FNIP2: variants seen among roughly 807,000 people sequenced by gnomAD.
The protein encoded by FNIP2 is folliculin-interacting protein 2.
In FNIP2, 32 loss-of-function variants were observed where a neutral mutation model predicts 108.7. The ratio of observed to expected loss-of-function variants is 0.29; its 90% confidence interval spans 0.22 to 0.40. FNIP2 has a LOEUF of 0.40. Ranked by LOEUF, FNIP2 falls within the 10% of genes least tolerant of loss-of-function variation. The pLI, the probability that FNIP2 is intolerant of heterozygous loss-of-function variation, is 1.00. For missense variants in FNIP2, 1,202 were observed against 1,381.6 expected, an observed-to-expected ratio of 0.87 and a Z score of 2.06; for synonymous variants, 480 against 496.7, an observed-to-expected ratio of 0.97 and a Z score of 0.45.
chr4:158,866,415 A>G (rs1301405050), intron 12 of FNIP2, among the ~76,000 whole-genome samples: 1 of 148,962 alleles, frequency 6.7e-6, no homozygotes, highest in Non-Finnish European at 1.5e-5. Context: ...ACGGGGTTTC[A>G]CCCTGTTGGC....
At chr4:158,821,488 C>A (rs1475725707) in intron 1 of FNIP2, among the ~76,000 whole-genome samples, 2 of 152,140 alleles carry the variant, frequency 1.3e-5, no homozygotes, top group Admixed American at 1.3e-4. Context: ...CTTGGAAGCT[C>A]CACAGTAACT....
At position 158,797,237 on chromosome 4, in the gene FNIP2, C is replaced by T. The variant is rs10023856; in HGVS notation, c.107+27918C>T. On this transcript the variant is annotated intron_variant, in intron 1 of 16. Transcript: ENST00000264433. ...GTATCACTATTTTTGCCTGTCAAAC[C>T]AAAACTGAAGGAGAACTGTCACTAA... Among the ~76,000 whole-genome samples, 367 of 152,216 alleles carry T rather than the reference C, an allele frequency of 2.4e-3. 1 individual carries two copies. The highest frequency in any genetic ancestry group is 8.6e-3 in the African/African-American group (359 of 41,526).
intron 12 of FNIP2, among the ~76,000 whole-genome samples, 200 bp downstream of exon 12, chr4:158,861,976 G>T (rs145113516): frequency 6.6e-6 from 1 of 152,226 alleles, no homozygotes; most frequent in East Asian, 1.9e-4. Flanking sequence ...GCAGCTTTGT[G>T]CTACACTCTT....
intron 14 of FNIP2, among the ~76,000 whole-genome samples, chr4:158,888,309 T>G (rs923784271): frequency 1.3e-5 from 2 of 152,238 alleles, no homozygotes; most frequent in African/African-American, 4.8e-5. Context: ...CTGCTGGTTC[T>G]TTTCTGTTCC....
chr4:158,848,025 A>C (rs1049706079), intron 7 of FNIP2, among the ~76,000 whole-genome samples: 1 of 152,186 alleles, frequency 6.6e-6, no homozygotes, highest in Non-Finnish European at 1.5e-5. Context: ...GACTCCAGGC[A>C]TTGGCTCACA....
At chr4:158,817,664 A>G (rs1777652715) in intron 1 of FNIP2, among the ~76,000 whole-genome samples, 1 of 152,144 alleles carries the variant, frequency 6.6e-6, no homozygotes, top group African/African-American at 2.4e-5. Context: ...CTTGTGTCTC[A>G]GCCTCCCCAG....
At chr4:158,787,744 C>T (rs1277265859) in intron 1 of FNIP2, among the ~76,000 whole-genome samples, 1 of 152,144 alleles carries the variant, frequency 6.6e-6, no homozygotes. Context: ...TAGACTTTTG[C>T]TTCTTTCTGG....
chr4:158,839,757 C>T (rs1042351104), intron 7 of FNIP2, among the ~76,000 whole-genome samples: 2 of 152,122 alleles, frequency 1.3e-5, no homozygotes, highest in Admixed American at 1.3e-4. Flanking sequence ...ATACCTCTAT[C>T]TGTGAGGGGT....
At chr4:158,894,163 AT>A (rs1782475510) in intron 15 of FNIP2, among the ~76,000 whole-genome samples, 1 of 141,998 alleles carries the variant, frequency 7.0e-6, no homozygotes, top group African/African-American at 2.5e-5. Context: ...CTTTTAAAAA[AT>A]GTTTTCTTTT....
Position 158,859,636 on chromosome 4 carries a change from G to A in FNIP2, c.1118G>A (p.Ser373Asn), listed in dbSNP as rs1288944287. The A allele has an allele frequency of 3.1e-6, 5 of 1,613,462 alleles. No individual in the cohort carries two copies. The highest frequency in any genetic ancestry group is 4.2e-6 in the Non-Finnish European group (5 of 1,179,672). Residue 373 changes from serine to asparagine, a missense_variant, in exon 10 of 17, where the codon AGC becomes AAC. By Grantham distance (46) the Ser-to-Asn change is conservative. This residue lies in a region of FNIP2 where 878 missense variants were observed against 990.3 expected (regional missense o/e 0.89). Transcript: ENST00000264433. ...AGTCTCCGAGTCCAGTTTTATGTCA[G>A]CCGTTTGATGGAAGCTCTGGGAGAA... ...ESSLRVQFYV[S>N]RLMEALGEFR... is the part of the protein sequence containing the mutation.
chr4:158,835,166 A>G (rs1423012608), intron 6 of FNIP2: 2 of 213,438 alleles, frequency 9.4e-6, no homozygotes, highest in African/African-American at 4.6e-5. Context: ...TCACTCAGAA[A>G]AGTTTGTATG....
intron 1 of FNIP2, among the ~76,000 whole-genome samples, chr4:158,780,056 TA>T (rs985248279): frequency 4.1e-5 from 6 of 145,952 alleles, no homozygotes; most frequent in Non-Finnish European, 9.1e-5. Flanking sequence ...AAATAAAAAA[TA>T]AAAAAAAAAC....
chr4:158,782,841 A>G (rs1776099201), intron 1 of FNIP2, among the ~76,000 whole-genome samples: 1 of 152,158 alleles, frequency 6.6e-6, no homozygotes. Context: ...AATTGTATGT[A>G]GGGGGTGGGT....
chr4:158,865,341 A>G (rs1203080237), intron 12 of FNIP2, among the ~76,000 whole-genome samples: 1 of 152,178 alleles, frequency 6.6e-6, no homozygotes, highest in East Asian at 1.9e-4. Flanking sequence ...AGACTCAAAA[A>G]AAAATTGAAC....
At chr4:158,890,474 G>C in intron 14 of FNIP2, 1 of 454,614 alleles carries the variant, frequency 2.2e-6, no homozygotes, top group Non-Finnish European at 2.9e-6. Flanking sequence ...AGACTAGGGA[G>C]TCAGATCACC....
At chr4:158,787,225 G>A (rs561021071) in intron 1 of FNIP2, among the ~76,000 whole-genome samples, 6 of 152,264 alleles carry the variant, frequency 3.9e-5, no homozygotes, top group African/African-American at 1.4e-4. Context: ...GAAATGTAGT[G>A]GGGATTTCAA....
At chr4:158,883,205 T>TA (rs1781794967) in intron 14 of FNIP2, among the ~76,000 whole-genome samples, 1 of 152,030 alleles carries the variant, frequency 6.6e-6, no homozygotes, top group Non-Finnish European at 1.5e-5. Context: ...ACCTGAATCA[T>TA]AAGTTGCCTG....
intron 1 of FNIP2, among the ~76,000 whole-genome samples, chr4:158,801,990 C>T (rs761043303): frequency 1.3e-4 from 20 of 152,190 alleles, no homozygotes; most frequent in Non-Finnish European, 2.6e-4. Flanking sequence ...AAAGCTTGCA[C>T]ACCCCCTTAC....
chr4:158,777,633 C>T (rs12171338), intron 1 of FNIP2, among the ~76,000 whole-genome samples: 54,941 of 151,946 alleles, frequency 0.36, 10,374 homozygotes, highest in Middle Eastern at 0.47. Flanking sequence ...CAGAAGGGGG[C>T]GGCCGGAACT....
Sources: gnomAD v4.1 joint callset for allele counts (sites outside exome capture counted in the v4.1 genomes callset) on GRCh38, gnomAD v4.1.1 for gene constraint, gnomAD v4.1.1 regional missense constraint, MANE v1.5 for transcripts, NCBI Gene and HGNC (gene_info 2026-07-23, HGNC 2026-07-21) for gene names.